Variants in TTC23 observed in about 807,000 individuals in gnomAD.
The protein encoded by TTC23 is tetratricopeptide repeat protein 23.
In TTC23, 58 loss-of-function variants were observed where a neutral mutation model predicts 55.1. The observed-to-expected ratio is 1.05, with a 90% CI of 0.85 to 1.31. The LOEUF is 1.31. Ranked by LOEUF, TTC23 falls within the 50% of genes most tolerant of loss-of-function variation. TTC23 has a pLI of 0.00. For synonymous variants in TTC23, 203 were observed against 199.9 expected (o/e 1.02, Z -0.13); for missense variants, 516 against 534.4 (o/e 0.97, Z 0.34).
intron 12 of TTC23, among the ~76,000 whole-genome samples, chr15:99,147,921 G>A (rs2069148641): frequency 6.6e-6 from 1 of 152,034 alleles, no homozygotes; most frequent in Non-Finnish European, 1.5e-5. Flanking sequence ...AAAACAAAGG[G>A]GGCCACTGAT....
At chr15:99,199,804 G>A in intron 9 of TTC23, 115 bp downstream of exon 9, 1 of 1,074,276 alleles carries the variant, frequency 9.3e-7, no homozygotes. Flanking sequence ...GCCAACTGTT[G>A]TCCTTATCTA....
intron 6 of TTC23, among the ~76,000 whole-genome samples, chr15:99,220,761 T>C (rs1020648942): frequency 6.6e-6 from 1 of 152,226 alleles, no homozygotes; most frequent in Admixed American, 6.5e-5. Flanking sequence ...ACCATTACCA[T>C]CATCATCACT....
At chr15:99,237,596 A>G (rs1024726732) in intron 3 of TTC23, among the ~76,000 whole-genome samples, 1 of 152,230 alleles carries the variant, frequency 6.6e-6, no homozygotes, top group Admixed American at 6.5e-5. Context: ...ACTCCAATGT[A>G]TAATGACCAA....
At chr15:99,142,135 G>A (rs1018798789) in intron 12 of TTC23, among the ~76,000 whole-genome samples, 3 of 152,122 alleles carry the variant, frequency 2.0e-5, no homozygotes, top group South Asian at 2.1e-4. Context: ...TGCTCTGAGG[G>A]GAGGGGATGC....
chr15:99,175,877 C>A (rs1274386015), intron 9 of TTC23, among the ~76,000 whole-genome samples: 2 of 152,118 alleles, frequency 1.3e-5, no homozygotes, highest in African/African-American at 4.8e-5. Context: ...CGCCTATAGT[C>A]CCAGCTATTT....
chr15:99,204,632 G>GTTTTTTTTTTTTTTTTTTTTTTT (rs56890685), intron 8 of TTC23, among the ~76,000 whole-genome samples: 3 of 60,892 alleles, frequency 4.9e-5, no homozygotes, highest in African/African-American at 6.8e-5. Flanking sequence ...TAGATTTAAG[G>GTTTTTTTTTTTTTTTTTTTTTTT]TTTTTTTTTT....
intron 12 of TTC23, among the ~76,000 whole-genome samples, chr15:99,141,734 G>C (rs1000426806): frequency 6.6e-6 from 1 of 152,178 alleles, no homozygotes; most frequent in Non-Finnish European, 1.5e-5. Flanking sequence ...TTTATAAGCT[G>C]TGGAAACTAT....
At chr15:99,169,848 A>G (rs2602015) in intron 10 of TTC23, among the ~76,000 whole-genome samples, 114,131 of 152,056 alleles carry the variant, frequency 0.75, 43,638 homozygotes, top group African/African-American at 0.91. Context: ...TGCTCCCTAA[A>G]CTCTAACCAG....
intron 10 of TTC23, among the ~76,000 whole-genome samples, chr15:99,169,950 G>A (rs1203136417): frequency 6.6e-6 from 1 of 152,162 alleles, no homozygotes; most frequent in Non-Finnish European, 1.5e-5. Context: ...TCCAAACAAG[G>A]CCGCCTGCAC....
chr15:99,230,536 A>C (rs2078850656), intron 4 of TTC23, among the ~76,000 whole-genome samples: 1 of 152,182 alleles, frequency 6.6e-6, no homozygotes, highest in Non-Finnish European at 1.5e-5. Flanking sequence ...ACATGAAGAA[A>C]ACTATACCAA....
chr15:99,159,647 G>A (rs941387101), intron 11 of TTC23: 6 of 152,356 alleles, frequency 3.9e-5, no homozygotes, highest in African/African-American at 1.2e-4. Context: ...AGGCAAAAAT[G>A]AGCCTGGAAA....
intron 8 of TTC23, among the ~76,000 whole-genome samples, chr15:99,209,186 C>T (rs1006955399): frequency 1.1e-4 from 16 of 152,140 alleles, no homozygotes; most frequent in Admixed American, 2.0e-4. Flanking sequence ...TAAACAAATG[C>T]AATTTCTGGT....
intron 3 of TTC23, among the ~76,000 whole-genome samples, chr15:99,239,257 C>A (rs1286591919): frequency 6.6e-6 from 1 of 152,108 alleles, no homozygotes; most frequent in Non-Finnish European, 1.5e-5. Flanking sequence ...GAGGTCGAGG[C>A]ATGCAGATCA....
At chr15:99,200,722 G>A (rs1292257929) in intron 8 of TTC23, among the ~76,000 whole-genome samples, 1 of 152,016 alleles carries the variant, frequency 6.6e-6, no homozygotes, top group Non-Finnish European at 1.5e-5. Flanking sequence ...CCAATTCTAG[G>A]AATTTATCTT....
chr15:99,140,671 G>C (rs1303613422), intron 12 of TTC23: 1 of 152,088 alleles, frequency 6.6e-6, no homozygotes, highest in African/African-American at 2.4e-5. Context: ...TGCCTGACCG[G>C]AAAATACGAT....
At chr15:99,205,445 T>C (rs2076547167) in intron 8 of TTC23, among the ~76,000 whole-genome samples, 1 of 152,148 alleles carries the variant, frequency 6.6e-6, no homozygotes, top group African/African-American at 2.4e-5. Context: ...TCTTTTTGCA[T>C]GTCCTCTTCA....
intron 2 of TTC23, among the ~76,000 whole-genome samples, chr15:99,242,975 C>T (rs2079936279): frequency 6.6e-6 from 1 of 152,078 alleles, no homozygotes; most frequent in South Asian, 2.1e-4. Flanking sequence ...AAAGTACAGG[C>T]AACCAAAACA....
chr15:99,230,666 T>C (rs1050454548), intron 4 of TTC23, among the ~76,000 whole-genome samples: 1 of 152,176 alleles, frequency 6.6e-6, no homozygotes, highest in Admixed American at 6.6e-5. Context: ...ACAGATTTCT[T>C]AGGGGAATAA....
chr15:99,209,577 C>T (rs888248725), intron 8 of TTC23, among the ~76,000 whole-genome samples: 1 of 152,108 alleles, frequency 6.6e-6, no homozygotes, highest in Non-Finnish European at 1.5e-5. Flanking sequence ...CCTCACTTCT[C>T]TCAGCTTTAG....
Sources: gnomAD v4.1 joint callset for allele counts (sites outside exome capture counted in the v4.1 genomes callset) on GRCh38, gnomAD v4.1.1 for gene constraint, MANE v1.5 for transcripts, NCBI Gene and HGNC (gene_info 2026-07-23, HGNC 2026-07-21) for gene names.